The following PSG4 variants were observed in gnomAD, a reference collection of about 807,000 sequenced individuals.
PSG4 encodes the protein pregnancy specific beta-1-glycoprotein 4.
A neutral mutation model predicts 44.3 loss-of-function variants in PSG4; 61 were observed. The ratio of observed to expected loss-of-function variants is 1.38; its 90% confidence interval spans 1.12 to 1.70. The LOEUF (loss-of-function observed/expected upper bound fraction) is 1.70, where lower values mean the gene tolerates loss of function less well. Among genes scored for constraint, PSG4 ranks in the 40% most tolerant of loss-of-function variants. The pLI, the probability that PSG4 is intolerant of heterozygous loss-of-function variation, is 0.00. For synonymous variants in PSG4, 248 were observed against 191.3 expected (o/e 1.30, Z -2.45); for missense variants, 677 against 511.7 (o/e 1.32, Z -3.12).
chr19:43,196,991 G>A lies in PSG4; in HGVS notation c.709+1006C>T, dbSNP rs188001789. ...AAAATGAAATGTCTTTCCATATATTGATATCGTCTTTAATTTCTTTCAGCA... is the reference window on the plus strand; with the variant it reads ...AAAATGAAATGTCTTTCCATATATTAATATCGTCTTTAATTTCTTTCAGCA... On this transcript the variant is annotated intron_variant, in intron 3 of 5. Transcript: ENST00000405312. Among the ~76,000 whole-genome samples the A allele has an allele frequency of 9.5e-5, 14 of 146,600 alleles. 1 individual carries two copies. Among genetic ancestry groups the A allele is most frequent in the African/African-American group, 3.6e-4 (14 of 38,626 alleles).
rs745767003 is a variant in PSG4, at chr19:43,204,125, C to T, written c.191G>A (p.Gly64Asp). ...CATTTGCCCTTTGTACCAAATGTAG[C>T]CAGCAAGATTCTGGGGCAAATTGTG... ...LVHNLPQNLA[G>D]YIWYKGQMTY... The change falls in exon 2 of 6, where the codon GGC (glycine) becomes GAC (aspartate). Residue 64 changes from glycine (G) to aspartate (D), a missense_variant. By Grantham distance (94) the Gly-to-Asp change is moderately conservative (BLOSUM62 -1). Transcript: ENST00000405312. The T allele has an allele frequency of 5.0e-6, 8 of 1,587,232 alleles. 1 individual carries two copies. The Admixed American group carries it at 5.1e-5, about 10-fold the overall frequency.
rs1967650154 is a variant in PSG4 at position 43,204,153 on chromosome 19, C to G, written c.163G>C (p.Val55Leu). 3.8e-6 allele frequency: 6 copies of G among 1,587,284 alleles called. No individual in the cohort carries two copies. Among genetic ancestry groups the G allele is most frequent in the Non-Finnish European group, 4.3e-6 (5 of 1,171,640 alleles). The change falls in exon 2 of 6, where the codon GTC becomes CTC. Residue 55 changes from valine to leucine, a missense_variant. Val to Leu is a conservative substitution (Grantham distance 32, BLOSUM62 1). Transcript: ENST00000405312. ...GCAAGATTCTGGGGCAAATTGTGGA[C>G]AAGTAGAAGAACATCCTTCCCCTCA... Reference protein sequence around the residue: ...VSEGKDVLLLVHNLPQNLAGY... With the variant: ...VSEGKDVLLLLHNLPQNLAGY...
Position 43,198,339 on chromosome 19 carries a change from T to C in PSG4, c.431-64A>G, listed in dbSNP as rs748411143. 40 of 1,537,856 alleles carry C rather than the reference T, an allele frequency of 2.6e-5. 3 individuals carry two copies. The highest frequency in any genetic ancestry group is 3.4e-5 in the Non-Finnish European group (39 of 1,148,176). On this transcript the variant is annotated intron_variant, in intron 2 of 5. Coordinates refer to ENST00000405312, the MANE Select transcript of PSG4 (RefSeq NM_002780.5). The stretch of plus-strand genomic sequence containing the variant: ...TCTTTGATTCTTCCAAAGGCATTTT[T>C]CAATCAGAGTTGGCATTTCCCACCT...
At position 43,203,913 on chromosome 19, in the gene PSG4, T is replaced by C; in HGVS notation, c.403A>G (p.Thr135Ala). 6.3e-7 allele frequency: 1 copy of C among 1,583,358 alleles called. No individual in the cohort carries two copies. The highest frequency in any genetic ancestry group is 8.5e-7 in the Non-Finnish European group (1 of 1,169,818). The change falls in exon 2 of 6, where the codon ACT (threonine) becomes GCT (alanine). Residue 135 changes from threonine to alanine, a missense_variant. By Grantham distance (58) the Thr-to-Ala change is moderately conservative. Coordinates refer to ENST00000405312, the MANE Select transcript of PSG4 (RefSeq NM_002780.5). ...TGTAAGGTGAAGGTGAAATGTCCAG[T>C]TACTCCTCCAGTCCCATCGCGTCGC... Reference protein sequence around the residue: ...IKRRDGTGGVTGHFTFTLHLE... With the variant: ...IKRRDGTGGVAGHFTFTLHLE...
chr19:43,194,734 C>T lies in PSG4; in HGVS notation c.989-140G>A, dbSNP rs557176961. 23 of 1,454,218 alleles carry T rather than the reference C, an allele frequency of 1.6e-5. No individual in the cohort carries two copies. The East Asian group carries it at 3.4e-4, about 22-fold the overall frequency. 90.1% of individuals were successfully genotyped at this position (1,454,218 alleles called of 1,614,324 possible). On this transcript the variant is annotated intron_variant, in intron 4 of 5. Coordinates refer to ENST00000405312, the MANE Select transcript of PSG4 (RefSeq NM_002780.5). ...CAAACTCCCTCTATGTTCACTGAGC[C>T]GAAGCCTGAGGTATTCACCTGTTTC...
chr19:43,194,980 AC>A lies in PSG4; in HGVS notation c.988+14del. 6.2e-7 allele frequency: 1 copy of A among 1,609,244 alleles called. No individual in the cohort carries two copies. The highest frequency in any genetic ancestry group is 8.5e-7 in the Non-Finnish European group (1 of 1,177,218). ...AGCTGGTGTCCTGGCCCACAGAGGA[AC>A]AAAAGATACTCACAGAGGACATTCA... is the stretch of plus-strand genomic sequence containing the variant. On this transcript the variant is annotated intron_variant, in intron 4 of 5. Coordinates refer to ENST00000405312, the MANE Select transcript of PSG4 (RefSeq NM_002780.5).
rs1967624938 is a variant in PSG4 at position 43,203,764 on chromosome 19, C to G, written c.430+122G>C. ...GTGTGTCCTGCACTAAATGCCCAAA[C>G]CCCAGCATGGGACTTAATGCAGAGA... On this transcript the variant is annotated intron_variant, in intron 2 of 5. Transcript: ENST00000405312. 4.1e-6 allele frequency: 6 copies of G among 1,478,164 alleles called. 1 individual carries two copies. Among genetic ancestry groups the G allele is most frequent in the Non-Finnish European group, 5.4e-6 (6 of 1,101,954 alleles). 91.6% of individuals were successfully genotyped at this position (1,478,164 alleles called of 1,614,324 possible).
In PSG4 at chr19:43,205,621, C is replaced by T. The variant is rs866369062; in HGVS notation, c.-85G>A. 50 of 1,354,696 alleles carry T rather than the reference C, an allele frequency of 3.7e-5. 3 individuals are homozygous for T. The highest frequency in any genetic ancestry group is 3.0e-4 in the African/African-American group (18 of 60,474). 83.9% of individuals were successfully genotyped at this position (1,354,696 alleles called of 1,614,324 possible). A position where few individuals can be genotyped will look rare whatever the true frequency, so the allele number is the denominator to read the frequency against. ...TGAGTACGGCTGTCAGCTGTGCTGT[C>T]CTTCCTCCTTCTGTGCTGAGCCTCC... On this transcript the variant is annotated 5_prime_UTR_variant, in exon 1 of 6. Coordinates refer to ENST00000405312, the MANE Select transcript of PSG4 (RefSeq NM_002780.5).
chr19:43,194,776 A>G (rs1967161974), intron 4 of PSG4, 182 bp from the exon 5 acceptor site: 1 of 1,412,526 alleles, frequency 7.1e-7, no homozygotes, highest in South Asian at 1.4e-5. Flanking sequence ...CACAAGTTTT[A>G]GGCCCCAAGT....
chr19:43,199,792 G>T (rs1349640526), intron 2 of PSG4, among the ~76,000 whole-genome samples: 1 of 145,676 alleles, frequency 6.9e-6, no homozygotes, highest in Non-Finnish European at 1.5e-5. Flanking sequence ...AGACATCGAA[G>T]ATCAATTGCT....
chr19:43,193,720 T>C (rs1436044172), intron 5 of PSG4: 4 of 540,080 alleles, frequency 7.4e-6, no homozygotes, highest in Non-Finnish European at 1.3e-5. Flanking sequence ...GACTTCAGAC[T>C]TTGCCTGCAG....
chr19:43,200,473 G>T (rs1440787383), intron 2 of PSG4, among the ~76,000 whole-genome samples: 1 of 145,052 alleles, frequency 6.9e-6, no homozygotes, highest in Admixed American at 6.8e-5. Flanking sequence ...GAACTTTCCT[G>T]TTTCAGTTTT....
chr19:43,195,151 G>C lies in PSG4; in HGVS notation c.832C>G (p.Gln278Glu), dbSNP rs573702346. Residue 278 changes from glutamine to glutamate, a missense_variant, in exon 4 of 6, where the codon CAG (glutamine) becomes GAG (glutamate). Transcript: ENST00000405312. ...ACCCTGGGACTGACAGGGAGGCTCT[G>C]ACCATTTAGCCACCAAATGTAGGTG... ...NYTYIWWLNGQSLPVSPRVKR... is the reference protein window; with the variant it reads ...NYTYIWWLNGESLPVSPRVKR... 3 of 1,610,300 alleles carry C rather than the reference G, an allele frequency of 1.9e-6. No individual in the cohort carries two copies. The highest frequency in any genetic ancestry group is 2.5e-6 in the Non-Finnish European group (3 of 1,179,040).
intron 2 of PSG4, among the ~76,000 whole-genome samples, chr19:43,201,864 T>G (rs1415505314): frequency 6.9e-6 from 1 of 144,230 alleles, no homozygotes; most frequent in African/African-American, 2.7e-5. Flanking sequence ...AGAACTTGTC[T>G]GGCAATTATG....
chr19:43,201,849 C>T (rs1270728955), intron 2 of PSG4, among the ~76,000 whole-genome samples: 3 of 134,460 alleles, frequency 2.2e-5, no homozygotes, highest in African/African-American at 9.0e-5. Flanking sequence ...GTGCAGAAGG[C>T]CAGAAGAACT....
chr19:43,195,008 G>T lies in PSG4; in HGVS notation c.975C>A (p.Thr325=). 6.2e-7 allele frequency: 1 copy of T among 1,611,834 alleles called. No individual in the cohort carries two copies. The highest frequency in any genetic ancestry group is 8.5e-7 in the Non-Finnish European group (1 of 1,178,912). Residue 325 remains threonine (T), a synonymous_variant, in exon 4 of 6, where the codon ACC becomes ACA. Coordinates refer to ENST00000405312, the MANE Select transcript of PSG4 (RefSeq NM_002780.5). Reference sequence around the variant, plus strand: ...AAAGATACTCACAGAGGACATTCAGGGTGACTGGGTCACTGCGGATGCCAC... The same window carrying T: ...AAAGATACTCACAGAGGACATTCAGTGTGACTGGGTCACTGCGGATGCCAC... The part of the protein sequence containing the change: ...RYGGIRSDPV[T]LNVLYGPDLP...
rs1199706937 is a variant in PSG4 at position 43,203,953 on chromosome 19, G to A, written c.363C>T (p.Thr121=). The A allele has an allele frequency of 1.8e-5, 29 of 1,587,216 alleles. 1 individual carries two copies. The highest frequency in any genetic ancestry group is 2.5e-5 in the Non-Finnish European group (29 of 1,171,502). The change falls in exon 2 of 6, where the codon ACC becomes ACT. Residue 121 remains threonine (T), a synonymous_variant. Transcript: ENST00000405312. ...CATCGCGTCGCTTTATGATGTGTAA[G>A]GTGTAGGATCCTGCATCCTCCTGCG... ...NVTQEDAGSY[T]LHIIKRRDGT...
chr19:43,198,184 T>C lies in PSG4; in HGVS notation c.522A>G (p.Pro174=), dbSNP rs199766455. Residue 174 remains proline, a synonymous_variant, in exon 3 of 6, where the codon CCA becomes CCG. Coordinates refer to ENST00000405312, the MANE Select transcript of PSG4 (RefSeq NM_002780.5). ...AVILTCDPAT[P]AASYQWWMNG... ...TCATCCACCACTGGTAGCTTGCGGC[T>C]GGAGTCGCAGGATCACAGGTTAAGA... The C allele has an allele frequency of 6.3e-6, 10 of 1,587,854 alleles. 2 individuals are homozygous for C. In the Admixed American group the frequency reaches 1.2e-4, roughly 19 times the overall value.
At chr19:43,203,491 A>G (rs10410878) in intron 2 of PSG4, 116,138 of 181,436 alleles carry the variant, frequency 0.64, 41,106 homozygotes, top group East Asian at 0.9. Context: ...TTAGGGACAG[A>G]GGTCTGGGGT....
Sources: allele counts gnomAD v4.1 joint callset (sites outside exome capture counted in the v4.1 genomes callset), GRCh38; gene constraint gnomAD v4.1.1; transcripts MANE v1.5; gene names NCBI Gene and HGNC (gene_info 2026-07-23, HGNC 2026-07-21).